TAF3: variants seen among roughly 807,000 people sequenced by gnomAD.
The protein encoded by TAF3 is TATA-box binding protein associated factor 3.
In TAF3, 7 loss-of-function variants were observed where a neutral mutation model predicts 80.6. That is an observed-to-expected ratio of 0.09 (90% confidence interval 0.05 to 0.16). The LOEUF (loss-of-function observed/expected upper bound fraction) is 0.16, where lower values mean the gene tolerates loss of function less well. TAF3 is among the 10% of genes least tolerant of loss of function. TAF3 has a pLI of 1.00. For missense variants in TAF3, 921 were observed against 1,140.2 expected (o/e 0.81, Z 2.77); for synonymous variants, 444 against 446.1 (o/e 1.00, Z 0.06).
intron 4 of TAF3, among the ~76,000 whole-genome samples, chr10:8,002,130 C>T (rs189947535): frequency 1.3e-5 from 2 of 152,258 alleles, no homozygotes; most frequent in Admixed American, 1.3e-4. Context: ...CTCTCTTCTT[C>T]CTATCATCCT....
chr10:7,892,215 A>G (rs527588772), intron 2 of TAF3, among the ~76,000 whole-genome samples: 292 of 152,278 alleles, frequency 1.9e-3, no homozygotes, highest in Middle Eastern at 6.8e-3. Context: ...TGTCTATTTC[A>G]TAAGGACTTG....
At chr10:8,014,015 G>C (rs7073640) in intron 6 of TAF3, among the ~76,000 whole-genome samples, 178 bp downstream of exon 6, 103,330 of 147,882 alleles carry the variant, frequency 0.7, 35,298 homozygotes, top group African/African-American at 0.75. Context: ...ACCCAAGAGT[G>C]CTTAGACTAT....
intron 4 of TAF3, among the ~76,000 whole-genome samples, chr10:7,981,458 T>C (rs530883189): frequency 6.6e-6 from 1 of 152,220 alleles, no homozygotes; most frequent in Non-Finnish European, 1.5e-5. Flanking sequence ...TATCTCATAA[T>C]ATATTGGATC....
chr10:7,833,849 C>T (rs530460945), intron 2 of TAF3: 21 of 802,992 alleles, frequency 2.6e-5, no homozygotes, highest in Admixed American at 3.7e-5. Context: ...TCCTGGGGAC[C>T]GAGGGCTTCC....
chr10:8,010,071 A>G (rs1832039935), intron 5 of TAF3, among the ~76,000 whole-genome samples: 2 of 151,900 alleles, frequency 1.3e-5, no homozygotes, highest in Admixed American at 1.3e-4. Context: ...ACTCTCGATT[A>G]GTTTTTTGTA....
At chr10:7,846,769 G>A (rs959528009) in intron 2 of TAF3, among the ~76,000 whole-genome samples, 6 of 152,014 alleles carry the variant, frequency 3.9e-5, no homozygotes, top group East Asian at 1.9e-4. Context: ...CTATTTTATC[G>A]TTGTAGGAAT....
At chr10:7,881,239 C>CA (rs367722402) in intron 2 of TAF3, among the ~76,000 whole-genome samples, 3,395 of 108,874 alleles carry the variant, frequency 0.031, 56 homozygotes, top group African/African-American at 0.059. Flanking sequence ...GACCCTGTCT[C>CA]AAAAAAAAAA....
chr10:7,919,836 G>A (rs577618601), intron 2 of TAF3, among the ~76,000 whole-genome samples: 1 of 152,196 alleles, frequency 6.6e-6, no homozygotes, highest in South Asian at 2.1e-4. Context: ...AGGGCTGACT[G>A]TGTATGCTTA....
intron 4 of TAF3, among the ~76,000 whole-genome samples, chr10:8,000,549 T>C (rs1439903074): frequency 6.6e-6 from 1 of 152,124 alleles, no homozygotes; most frequent in Non-Finnish European, 1.5e-5. Context: ...GGAGGATCAC[T>C]TGAGTCCAGG....
At chr10:7,852,533 G>A (rs771001353) in intron 2 of TAF3, among the ~76,000 whole-genome samples, 2 of 152,108 alleles carry the variant, frequency 1.3e-5, no homozygotes, top group Admixed American at 6.6e-5. Flanking sequence ...TTTGTTTCAC[G>A]TGGTCCTCTG....
At chr10:7,960,841 T>G (rs1455885037) in intron 2 of TAF3, among the ~76,000 whole-genome samples, 1 of 152,220 alleles carries the variant, frequency 6.6e-6, no homozygotes, top group East Asian at 1.9e-4. Context: ...GTGGAAGCTC[T>G]GCATGTAAAA....
At chr10:7,946,727 C>CAAAAAAGAAA (rs60415433) in intron 2 of TAF3, among the ~76,000 whole-genome samples, 1 of 150,554 alleles carries the variant, frequency 6.6e-6, no homozygotes, top group Admixed American at 6.6e-5. Flanking sequence ...TGGTCTCAAA[C>CAAAAAAGAAA]GAAAAAAAAA....
chr10:7,921,030 A>G (rs1179291948), intron 2 of TAF3, among the ~76,000 whole-genome samples: 1 of 152,094 alleles, frequency 6.6e-6, no homozygotes, highest in African/African-American at 2.4e-5. Context: ...TGGAATCCCT[A>G]GATAATTCTC....
In TAF3 at chr10:8,009,349, C is replaced by T. The variant is rs777735770; in HGVS notation, c.2568+19C>T. The T allele has an allele frequency of 7.6e-6, 12 of 1,584,984 alleles. No homozygotes were observed. The highest frequency in any genetic ancestry group is 8.6e-6 in the Non-Finnish European group (10 of 1,165,638). The stretch of plus-strand genomic sequence containing the variant: ...CTACGTGGTGCGTACCTGCCGCCCG[C>T]GCGGTTAGCATGGAGACGTTTTCAG... On this transcript the variant is annotated intron_variant, in intron 5 of 6. Coordinates refer to ENST00000344293, the MANE Select transcript of TAF3 (RefSeq NM_031923.4). This position sits in a 1 kb window ranked among gnomAD's most constrained non-coding sequence, Gnocchi z 4.1.
chr10:7,973,613 C>T (rs1014685898), intron 3 of TAF3, among the ~76,000 whole-genome samples: 1 of 152,144 alleles, frequency 6.6e-6, no homozygotes, highest in African/African-American at 2.4e-5. Flanking sequence ...ACATTATCTA[C>T]CCTACATGTT....
rs1228885998 is a variant in TAF3, at chr10:7,977,198, T to C, written c.2233-43T>C. On this transcript the variant is annotated intron_variant, in intron 3 of 6. Coordinates refer to ENST00000344293, the MANE Select transcript of TAF3 (RefSeq NM_031923.4). ...TAGGAGAAGTGGTAGGAGGTACTTT[T>C]GTTGAAAAACCATATTGAACTTTAA... 2.5e-6 allele frequency: 4 copies of C among 1,593,448 alleles called. No homozygotes were observed. In the African/African-American group the frequency reaches 4.0e-5, roughly 16 times the overall value.
chr10:7,987,701 C>T (rs1831791942), intron 4 of TAF3, among the ~76,000 whole-genome samples: 1 of 152,224 alleles, frequency 6.6e-6, no homozygotes, highest in East Asian at 1.9e-4. Context: ...TAGTGAAATC[C>T]TATTGTTCTA....
chr10:7,988,752 G>GAAAAAAAAAAAAAAAAAAA (rs56395044), intron 4 of TAF3, among the ~76,000 whole-genome samples: 1 of 92,842 alleles, frequency 1.1e-5, no homozygotes, highest in African/African-American at 5.1e-5. Flanking sequence ...CTGTCTCTCA[G>GAAAAAAAAAAAAAAAAAAA]AAAAAAAAAA....
chr10:7,915,460 C>T (rs1306565289), intron 2 of TAF3, among the ~76,000 whole-genome samples: 2 of 146,840 alleles, frequency 1.4e-5, no homozygotes, highest in Non-Finnish European at 3.0e-5. Flanking sequence ...CTGGCTAACA[C>T]GGTGAAACCC....
Sources: allele counts gnomAD v4.1 joint callset (sites outside exome capture counted in the v4.1 genomes callset), GRCh38; gene constraint gnomAD v4.1.1; non-coding constraint Gnocchi (gnomAD v3.1); transcripts MANE v1.5; gene names NCBI Gene and HGNC (gene_info 2026-07-23, HGNC 2026-07-21).